PACS1: variants seen among roughly 807,000 people sequenced by gnomAD.
The protein encoded by PACS1 is phosphofurin acidic cluster sorting protein 1.
In PACS1, 24 loss-of-function variants were observed where a neutral mutation model predicts 115.0. That is an observed-to-expected ratio of 0.21 (90% confidence interval 0.15 to 0.29). The LOEUF (loss-of-function observed/expected upper bound fraction) is 0.29, where lower values mean the gene tolerates loss of function less well. Ranked by LOEUF, PACS1 falls within the 10% of genes least tolerant of loss-of-function variation. The pLI is 1.00. For synonymous variants in PACS1, 453 were observed against 504.5 expected (o/e 0.90, Z 1.37); for missense variants, 838 against 1,251.2 (o/e 0.67, Z 4.98).
At chr11:66,200,619 T>C (rs1854766750) in intron 2 of PACS1, among the ~76,000 whole-genome samples, 1 of 152,130 alleles carries the variant, frequency 6.6e-6, no homozygotes, top group Non-Finnish European at 1.5e-5. Flanking sequence ...TAAATATATA[T>C]GCACCTAACA....
At chr11:66,242,795 G>C in intron 22 of PACS1, 117 bp from the exon 23 acceptor site, 1 of 1,355,492 alleles carries the variant, frequency 7.4e-7, no homozygotes, top group Admixed American at 1.9e-5. Flanking sequence ...AGGGAGGAGG[G>C]GTTGGTTTGC....
At chr11:66,096,478 C>T (rs1408416125) in intron 1 of PACS1, among the ~76,000 whole-genome samples, 1 of 150,342 alleles carries the variant, frequency 6.7e-6, no homozygotes, top group Non-Finnish European at 1.5e-5. Flanking sequence ...CAGCTTTTAG[C>T]TTTTATGAAT....
intron 11 of PACS1, among the ~76,000 whole-genome samples, chr11:66,228,638 A>C (rs1855514838): frequency 6.6e-6 from 1 of 152,192 alleles, no homozygotes; most frequent in African/African-American, 2.4e-5. Flanking sequence ...GAGTAAAAAG[A>C]AGCCGAATGC....
intron 1 of PACS1, among the ~76,000 whole-genome samples, chr11:66,108,602 A>C (rs1858109440): frequency 6.6e-6 from 1 of 152,006 alleles, no homozygotes. Flanking sequence ...ATCTCTACAA[A>C]GAAAAAAAGA....
chr11:66,115,320 C>T (rs1858281739), intron 1 of PACS1, among the ~76,000 whole-genome samples: 1 of 151,888 alleles, frequency 6.6e-6, no homozygotes, highest in Admixed American at 6.6e-5. Context: ...TGGAGCCAAG[C>T]ATTTGTGAAA....
At chr11:66,238,030 C>A in intron 19 of PACS1, 1 of 984,948 alleles carries the variant, frequency 1.0e-6, no homozygotes, top group African/African-American at 1.7e-5. Flanking sequence ...GTGATAGGGC[C>A]CAGGACTTTA....
At chr11:66,079,230 G>A (rs1423661828) in intron 1 of PACS1, among the ~76,000 whole-genome samples, 2 of 149,534 alleles carry the variant, frequency 1.3e-5, no homozygotes, top group Non-Finnish European at 3.0e-5. Context: ...TTGTGTGTGA[G>A]TATGTGCACT....
intron 1 of PACS1, among the ~76,000 whole-genome samples, chr11:66,133,587 C>G (rs991337068): frequency 1.3e-5 from 2 of 152,212 alleles, no homozygotes; most frequent in Admixed American, 1.3e-4. Flanking sequence ...GCTATCATAG[C>G]TCACTGCAGC....
intron 1 of PACS1, among the ~76,000 whole-genome samples, chr11:66,169,566 A>ATTTTTTTTTTT (rs59176258): frequency 8.7e-5 from 10 of 115,272 alleles, no homozygotes; most frequent in Non-Finnish European, 1.5e-4. Flanking sequence ...CGCCCGGCTA[A>ATTTTTTTTTTT]TTTTTTTTTT....
intron 1 of PACS1, among the ~76,000 whole-genome samples, chr11:66,191,389 C>T (rs1022749123): frequency 2.0e-5 from 3 of 152,104 alleles, no homozygotes; most frequent in African/African-American, 7.2e-5. Flanking sequence ...GCCAAGGTAC[C>T]ATATTCACAG....
At chr11:66,139,466 C>T (rs1858927797) in intron 1 of PACS1, among the ~76,000 whole-genome samples, 1 of 151,806 alleles carries the variant, frequency 6.6e-6, no homozygotes, top group Admixed American at 6.6e-5. Context: ...ATTAGCCCTC[C>T]CCACTTCCCT....
At chr11:66,141,653 CAA>C (rs146519414) in intron 1 of PACS1, among the ~76,000 whole-genome samples, 46 of 117,908 alleles carry the variant, frequency 3.9e-4, no homozygotes, top group South Asian at 5.3e-4. Context: ...GACTCCATCT[CAA>C]AAAAAAAAAA....
At chr11:66,103,638 G>C (rs931975972) in intron 1 of PACS1, among the ~76,000 whole-genome samples, 2 of 149,784 alleles carry the variant, frequency 1.3e-5, no homozygotes, top group African/African-American at 5.0e-5. Flanking sequence ...AGCCTCCCCA[G>C]TAGCTGGGAT....
chr11:66,229,102 T>C (rs1855526526), intron 11 of PACS1, among the ~76,000 whole-genome samples: 1 of 146,442 alleles, frequency 6.8e-6, no homozygotes, highest in African/African-American at 2.6e-5. Context: ...TGGCCAGGTG[T>C]GGTGGCTCAC....
intron 1 of PACS1, among the ~76,000 whole-genome samples, chr11:66,140,645 C>T (rs547987731): frequency 2.6e-5 from 4 of 152,098 alleles, no homozygotes; most frequent in Non-Finnish European, 5.9e-5. Flanking sequence ...CCTTAATTCC[C>T]CATCTGCTCA....
chr11:66,233,995 C>A lies in PACS1; in HGVS notation c.1993+56C>A. On this transcript the variant is annotated intron_variant, in intron 16 of 23. Coordinates refer to ENST00000320580, the MANE Select transcript of PACS1 (RefSeq NM_018026.4). The surrounding 1 kb of genome is among the most constrained non-coding windows in gnomAD (Gnocchi z 4.5). ...GGCATGAGGGTTCCATAGACAGATG[C>A]CTCATCTGGAACAGGACGGTGGGGT... The A allele has an allele frequency of 6.4e-7, 1 of 1,567,310 alleles. No individual in the cohort carries two copies. The highest frequency in any genetic ancestry group is 8.7e-7 in the Non-Finnish European group (1 of 1,151,104).
At chr11:66,239,930 A>G (rs958721885) in intron 21 of PACS1, among the ~76,000 whole-genome samples, 2 of 152,260 alleles carry the variant, frequency 1.3e-5, no homozygotes, top group Non-Finnish European at 2.9e-5. Context: ...CCAAGGCCGG[A>G]GGATCGCTTG....
intron 1 of PACS1, among the ~76,000 whole-genome samples, chr11:66,140,968 G>A (rs981851225): frequency 6.6e-6 from 1 of 151,882 alleles, no homozygotes; most frequent in African/African-American, 2.4e-5. Context: ...CATACATATC[G>A]TGGTATCTTA....
At chr11:66,099,039 TTTTTCCC>T (rs1857849248) in intron 1 of PACS1, among the ~76,000 whole-genome samples, 1 of 152,038 alleles carries the variant, frequency 6.6e-6, no homozygotes, top group Non-Finnish European at 1.5e-5. Context: ...TTCCTTTTCT[TTTTTCCC>T]TTTTCCCTTC....
Sources: gnomAD v4.1 joint callset for allele counts (sites outside exome capture counted in the v4.1 genomes callset) on GRCh38, gnomAD v4.1.1 for gene constraint, Gnocchi (gnomAD v3.1) non-coding constraint, MANE v1.5 for transcripts, NCBI Gene and HGNC (gene_info 2026-07-23, HGNC 2026-07-21) for gene names.